The following VAV3 variants were observed in gnomAD, a reference collection of about 807,000 sequenced individuals.
VAV3 encodes guanine nucleotide exchange factor VAV3.
VAV3 carries 94 observed loss-of-function variants against 131.2 expected under a neutral mutation model. The ratio of observed to expected loss-of-function variants is 0.72; its 90% confidence interval spans 0.61 to 0.85. VAV3 has a LOEUF of 0.85. VAV3 is among the 40% of genes least tolerant of loss of function. The pLI, the probability that VAV3 is intolerant of heterozygous loss-of-function variation, is 0.00. For missense variants in VAV3, 939 were observed against 1,002.7 expected (o/e 0.94, Z 0.86); for synonymous variants, 349 against 342.0 (o/e 1.02, Z -0.22).
At chr1:107,783,892 CAAAAAAAA>C (rs55821232) in intron 2 of VAV3, among the ~76,000 whole-genome samples, 1 of 107,960 alleles carries the variant, frequency 9.3e-6, no homozygotes, top group Admixed American at 9.7e-5. Flanking sequence ...ACTAAAAATA[CAAAAAAAA>C]AAAAAAAAAA....
intron 25 of VAV3, among the ~76,000 whole-genome samples, chr1:107,592,015 T>C (rs924426065): frequency 6.6e-6 from 1 of 151,942 alleles, no homozygotes; most frequent in Admixed American, 6.6e-5. Flanking sequence ...TTATAACATA[T>C]ACAAAATATG....
rs555491854 is a variant in VAV3, at chr1:107,800,459, T to C, written c.322-20967A>G. ...TGTGATTATTAGTGATGCTGAACAT[T>C]TTTTCGTATAAATATTAGCCATCTG... On this transcript the variant is annotated intron_variant, in intron 2 of 26. Coordinates refer to ENST00000370056, the MANE Select transcript of VAV3 (RefSeq NM_006113.5). Among the ~76,000 whole-genome samples the C allele has an allele frequency of 4.6e-5, 7 of 152,258 alleles. No individual in the cohort carries two copies. The East Asian group carries it at 1.3e-3, about 29-fold the overall frequency.
At chr1:107,841,329 G>A (rs1388190442) in intron 2 of VAV3, among the ~76,000 whole-genome samples, 1 of 151,988 alleles carries the variant, frequency 6.6e-6, no homozygotes, top group African/African-American at 2.4e-5. Flanking sequence ...AAGTATAAAT[G>A]GTATATCAGC....
intron 19 of VAV3, among the ~76,000 whole-genome samples, chr1:107,667,354 G>A (rs141267283): frequency 6.6e-6 from 1 of 152,278 alleles, no homozygotes; most frequent in African/African-American, 2.4e-5. Context: ...GCACTGAGCT[G>A]TGCAATGCTA....
intron 1 of VAV3, among the ~76,000 whole-genome samples, chr1:107,907,738 T>C (rs1387253110): frequency 6.6e-6 from 1 of 151,928 alleles, no homozygotes; most frequent in Non-Finnish European, 1.5e-5. Context: ...CCTTCCACCT[T>C]CCACCATGGT....
intron 1 of VAV3, among the ~76,000 whole-genome samples, chr1:107,911,769 G>A (rs1340658658): frequency 6.6e-6 from 1 of 152,114 alleles, no homozygotes; most frequent in Admixed American, 6.6e-5. Context: ...AACATCAAGG[G>A]GAATGTAAAA....
At chr1:107,701,062 CT>C (rs35657301) in intron 17 of VAV3, among the ~76,000 whole-genome samples, 1 of 151,096 alleles carries the variant, frequency 6.6e-6, no homozygotes, top group Non-Finnish European at 1.5e-5. Flanking sequence ...TCATGTTGAG[CT>C]TTTTTTTTCA....
At chr1:107,960,449 C>A (rs80236511) in intron 1 of VAV3, among the ~76,000 whole-genome samples, 7,275 of 150,688 alleles carry the variant, frequency 0.048, 481 homozygotes, top group African/African-American at 0.15. Context: ...TTGGGCTACA[C>A]AGTAAGACTC....
intron 20 of VAV3, among the ~76,000 whole-genome samples, chr1:107,633,989 T>C (rs868494899): frequency 3.3e-5 from 5 of 152,212 alleles, no homozygotes; most frequent in African/African-American, 1.2e-4. Context: ...TAAACTGTTA[T>C]ATAATAATCA....
At chr1:107,838,744 C>G (rs1201505402) in intron 2 of VAV3, among the ~76,000 whole-genome samples, 2 of 152,122 alleles carry the variant, frequency 1.3e-5, no homozygotes, top group African/African-American at 4.8e-5. Context: ...AATTGTACAC[C>G]ATGGGATACT....
intron 2 of VAV3, among the ~76,000 whole-genome samples, chr1:107,848,957 G>T (rs1669101661): frequency 2.0e-5 from 3 of 152,080 alleles, no homozygotes; most frequent in Admixed American, 2.0e-4. Flanking sequence ...AATCATAAGT[G>T]AACTTCCATT....
At chr1:107,778,341 AAG>A (rs2102219823) in intron 3 of VAV3, among the ~76,000 whole-genome samples, 1 of 152,318 alleles carries the variant, frequency 6.6e-6, no homozygotes, top group East Asian at 1.9e-4. Flanking sequence ...ATGAGAAAAA[AAG>A]GAGAAAAATT....
chr1:107,627,215 T>A (rs1292334456), intron 20 of VAV3, among the ~76,000 whole-genome samples: 5 of 152,172 alleles, frequency 3.3e-5, no homozygotes. Context: ...AACCCCTATC[T>A]CTCTTTTTCC....
chr1:107,743,536 TA>T (rs2102028529), intron 15 of VAV3, among the ~76,000 whole-genome samples: 1 of 152,312 alleles, frequency 6.6e-6, no homozygotes, highest in South Asian at 2.1e-4. Flanking sequence ...TTATTATATT[TA>T]GAAATAATAA....
chr1:107,722,412 A>G (rs186398730), intron 15 of VAV3, among the ~76,000 whole-genome samples: 28 of 152,344 alleles, frequency 1.8e-4, no homozygotes, highest in African/African-American at 6.5e-4. Context: ...GAGGCAAAAA[A>G]GCATACAGAA....
At chr1:107,823,177 T>G (rs1322541409) in intron 2 of VAV3, among the ~76,000 whole-genome samples, 1 of 152,108 alleles carries the variant, frequency 6.6e-6, no homozygotes, top group East Asian at 1.9e-4. Flanking sequence ...GAAGACAGAA[T>G]CAGAAAAACT....
chr1:107,687,159 T>A (rs771847614), intron 18 of VAV3, among the ~76,000 whole-genome samples: 100 of 152,192 alleles, frequency 6.6e-4, no homozygotes, highest in Admixed American at 2.0e-3. Flanking sequence ...AAGAAACTCA[T>A]ATGGCCTATT....
Position 107,652,074 on chromosome 1 carries a change from C to T in VAV3, c.1778-9319G>A, listed in dbSNP as rs145357106. Among the ~76,000 whole-genome samples, 738 of 152,216 alleles carry T rather than the reference C, an allele frequency of 4.8e-3. 7 individuals carry two copies. Among genetic ancestry groups the T allele is most frequent in the African/African-American group, 0.016 (674 of 41,526 alleles). On this transcript the variant is annotated intron_variant, in intron 19 of 26. Coordinates refer to ENST00000370056, the MANE Select transcript of VAV3 (RefSeq NM_006113.5). ...ACACCTAGTGGGCTGCACTCCCAGA[C>T]GGTTAAGGCATTCTAAGTCACAGGA...
At chr1:107,739,969 A>G (rs1662909754) in intron 15 of VAV3, among the ~76,000 whole-genome samples, 1 of 152,198 alleles carries the variant, frequency 6.6e-6, no homozygotes, top group Non-Finnish European at 1.5e-5. Context: ...ATGCATCAAG[A>G]GCACAAAGAG....
Sources: allele counts gnomAD v4.1 joint callset (sites outside exome capture counted in the v4.1 genomes callset), GRCh38; gene constraint gnomAD v4.1.1; transcripts MANE v1.5; gene names NCBI Gene and HGNC (gene_info 2026-07-23, HGNC 2026-07-21).